RANBP17: variants seen among roughly 807,000 people sequenced by gnomAD.
RANBP17 encodes ran-binding protein 17.
RANBP17 carries 158 observed loss-of-function variants against 141.2 expected under a neutral mutation model. The observed-to-expected ratio is 1.12, with a 90% CI of 0.98 to 1.28. The LOEUF is 1.28. Among genes scored for constraint, RANBP17 ranks in the 50% most tolerant of loss-of-function variants. The pLI, the probability that RANBP17 is intolerant of heterozygous loss-of-function variation, is 0.00. For missense variants in RANBP17, 1,438 were observed against 1,290.7 expected, an observed-to-expected ratio of 1.11 and a Z score of -1.75; for synonymous variants, 430 against 450.0, an observed-to-expected ratio of 0.96 and a Z score of 0.56.
intron 12 of RANBP17, among the ~76,000 whole-genome samples, chr5:170,932,180 G>T (rs1054663104): frequency 2.6e-5 from 4 of 152,008 alleles, no homozygotes; most frequent in African/African-American, 9.7e-5. Flanking sequence ...TTGTGAATGA[G>T]AATTCACTCA....
intron 18 of RANBP17, among the ~76,000 whole-genome samples, chr5:171,192,482 A>AT (rs995135716): frequency 2.0e-5 from 3 of 151,944 alleles, no homozygotes; most frequent in African/African-American, 4.8e-5. Flanking sequence ...TGGGCAGTGT[A>AT]TTTTTTTTCC....
chr5:171,231,473 T>C (rs1288695698), intron 22 of RANBP17, among the ~76,000 whole-genome samples: 5 of 152,162 alleles, frequency 3.3e-5, no homozygotes, highest in Non-Finnish European at 7.3e-5. Context: ...ATCTTCAATA[T>C]AGTTTTCTTT....
At chr5:171,117,997 A>G (rs1421092028) in intron 14 of RANBP17, among the ~76,000 whole-genome samples, 1 of 152,026 alleles carries the variant, frequency 6.6e-6, no homozygotes, top group Non-Finnish European at 1.5e-5. Context: ...TGCAGAAGGT[A>G]TTTAATTTGA....
intron 14 of RANBP17, among the ~76,000 whole-genome samples, chr5:171,006,883 A>G (rs1481581363): frequency 1.3e-5 from 2 of 152,052 alleles, no homozygotes; most frequent in East Asian, 1.9e-4. Context: ...TAAGTTTGTC[A>G]TAATTAACAG....
intron 14 of RANBP17, among the ~76,000 whole-genome samples, chr5:171,110,939 C>T (rs1036233444): frequency 6.6e-6 from 1 of 151,334 alleles, no homozygotes; most frequent in African/African-American, 2.4e-5. Context: ...TATACATGTG[C>T]CATGCTGGTG....
chr5:171,198,128 G>A (rs1007796468), intron 18 of RANBP17, among the ~76,000 whole-genome samples: 1 of 152,216 alleles, frequency 6.6e-6, no homozygotes, highest in Non-Finnish European at 1.5e-5. Flanking sequence ...TAGACATTGG[G>A]AAAGATATTA....
chr5:171,130,126 A>G (rs1410541047), intron 14 of RANBP17, among the ~76,000 whole-genome samples: 1 of 152,176 alleles, frequency 6.6e-6, no homozygotes, highest in Non-Finnish European at 1.5e-5. Flanking sequence ...GAACTATATC[A>G]TTGTTGAAGT....
chr5:171,082,318 G>A (rs563229048), intron 14 of RANBP17, among the ~76,000 whole-genome samples: 1 of 152,174 alleles, frequency 6.6e-6, no homozygotes, highest in East Asian at 1.9e-4. Context: ...TGTGTTTCTG[G>A]GAGCCTGAAG....
intron 14 of RANBP17, among the ~76,000 whole-genome samples, chr5:171,107,860 G>A (rs1384977930): frequency 6.6e-6 from 1 of 152,184 alleles, no homozygotes; most frequent in Non-Finnish European, 1.5e-5. Context: ...CGTGCTTGCT[G>A]CATTGATGTT....
chr5:171,091,695 C>T (rs1786292768), intron 14 of RANBP17, among the ~76,000 whole-genome samples: 1 of 152,150 alleles, frequency 6.6e-6, no homozygotes, highest in Admixed American at 6.5e-5. Flanking sequence ...CTTTCCCATG[C>T]TGTTCTCATG....
Position 170,970,472 on chromosome 5 carries a change from A to G in RANBP17, c.1710+2095A>G, listed in dbSNP as rs528589946. On this transcript the variant is annotated intron_variant, in intron 14 of 27. Transcript: ENST00000523189. ...ACCATACTTGCACTGCATACTTTATATGTGGTAAACTTATTTCAGGTTCTT... is the reference window on the plus strand; with the variant it reads ...ACCATACTTGCACTGCATACTTTATGTGTGGTAAACTTATTTCAGGTTCTT... 1.1e-4 allele frequency: 17 copies of G among 152,194 alleles called. No individual in the cohort carries two copies. The East Asian group carries it at 3.3e-3, about 29-fold the overall frequency. 9.4% of individuals were successfully genotyped at this position (152,194 alleles called of 1,614,324 possible). A position where few individuals can be genotyped will look rare whatever the true frequency, so the allele number is the denominator to read the frequency against.
chr5:171,125,655 T>A (rs1756396825), intron 14 of RANBP17, among the ~76,000 whole-genome samples: 1 of 152,226 alleles, frequency 6.6e-6, no homozygotes, highest in African/African-American at 2.4e-5. Flanking sequence ...TGATCTGCAC[T>A]GTAGACCAAA....
intron 24 of RANBP17, chr5:171,252,419 C>G (rs1765631740): frequency 3.3e-6 from 5 of 1,519,284 alleles, no homozygotes; most frequent in Middle Eastern, 4.2e-4. Flanking sequence ...TTAGACCTGT[C>G]TGTTGACGTG....
At chr5:171,199,310 A>G (rs957307435) in intron 18 of RANBP17, among the ~76,000 whole-genome samples, 7 of 148,876 alleles carry the variant, frequency 4.7e-5, no homozygotes, top group South Asian at 2.1e-4. Flanking sequence ...GAGAAGGGGG[A>G]AAAAAAAAAC....
intron 14 of RANBP17, among the ~76,000 whole-genome samples, chr5:171,022,248 C>T (rs965300843): frequency 1.3e-5 from 2 of 152,168 alleles, no homozygotes; most frequent in African/African-American, 4.8e-5. Flanking sequence ...ATCTGCCAAC[C>T]CCTGTTGGAG....
intron 14 of RANBP17, among the ~76,000 whole-genome samples, chr5:171,036,771 A>G (rs1388923792): frequency 1.3e-5 from 2 of 152,144 alleles, no homozygotes; most frequent in African/African-American, 4.8e-5. Context: ...ACATGATTTC[A>G]TTCTTTTTTA....
intron 1 of RANBP17, among the ~76,000 whole-genome samples, chr5:170,868,497 C>G (rs527863596): frequency 6.6e-6 from 1 of 152,258 alleles, no homozygotes; most frequent in South Asian, 2.1e-4. Flanking sequence ...GTCTCAAACT[C>G]CTGAGCTCAA....
intron 14 of RANBP17, among the ~76,000 whole-genome samples, chr5:171,091,449 G>A (rs919066411): frequency 6.6e-6 from 1 of 152,196 alleles, no homozygotes; most frequent in Non-Finnish European, 1.5e-5. Flanking sequence ...GAAGGGTCTT[G>A]TCTCCTCTTG....
At chr5:170,977,919 G>T (rs1007777059) in intron 14 of RANBP17, among the ~76,000 whole-genome samples, 1 of 152,006 alleles carries the variant, frequency 6.6e-6, no homozygotes, top group South Asian at 2.1e-4. Context: ...TGATTGTGGT[G>T]ATGGCTGCAC....
Sources: allele counts gnomAD v4.1 joint callset (sites outside exome capture counted in the v4.1 genomes callset), GRCh38; gene constraint gnomAD v4.1.1; transcripts MANE v1.5; gene names NCBI Gene and HGNC (gene_info 2026-07-23, HGNC 2026-07-21).